The following B3GALT1 variants were observed in gnomAD, a reference collection of about 807,000 sequenced individuals.
The protein encoded by B3GALT1 is UDP-Gal:betaGlcNAc beta 1,3-galactosyltransferase, polypeptide 1.
A neutral mutation model predicts 23.2 loss-of-function variants in B3GALT1; 10 were observed. The observed-to-expected ratio is 0.43, with a 90% CI of 0.27 to 0.73. The LOEUF is 0.73. Ranked by LOEUF, B3GALT1 falls within the 30% of genes least tolerant of loss-of-function variation. B3GALT1 has a pLI of 0.21. For missense variants in B3GALT1, 299 were observed against 405.4 expected, an observed-to-expected ratio of 0.74 and a Z score of 2.25; for synonymous variants, 156 against 141.5, an observed-to-expected ratio of 1.10 and a Z score of -0.73.
intron 2 of B3GALT1, among the ~76,000 whole-genome samples, chr2:167,549,001 TG>T (rs1683700136): frequency 6.6e-6 from 1 of 152,228 alleles, no homozygotes; most frequent in Non-Finnish European, 1.5e-5. Flanking sequence ...TTTATATTAA[TG>T]TTTATTGATG....
intron 2 of B3GALT1, among the ~76,000 whole-genome samples, chr2:167,629,473 C>T (rs2105445868): frequency 6.6e-6 from 1 of 151,802 alleles, no homozygotes; most frequent in Non-Finnish European, 1.5e-5. Flanking sequence ...AATATACACT[C>T]CATTCTCATA....
At chr2:167,574,039 T>C (rs943345774) in intron 2 of B3GALT1, among the ~76,000 whole-genome samples, 1 of 151,730 alleles carries the variant, frequency 6.6e-6, no homozygotes, top group Admixed American at 6.6e-5. Flanking sequence ...TCAGTTTGCT[T>C]CCAGAATCAT....
chr2:167,714,903 G>A, intron 3 of B3GALT1: 1 of 1,611,368 alleles, frequency 6.2e-7, no homozygotes, highest in Non-Finnish European at 8.5e-7. Flanking sequence ...TCTTGATATA[G>A]TTCAGTCATT....
At chr2:167,520,221 T>C (rs1700168423) in intron 2 of B3GALT1, among the ~76,000 whole-genome samples, 1 of 152,184 alleles carries the variant, frequency 6.6e-6, no homozygotes, top group Admixed American at 6.6e-5. Flanking sequence ...TTTTAGTCCA[T>C]CCCTAAAGTA....
intron 2 of B3GALT1, among the ~76,000 whole-genome samples, chr2:167,583,185 C>G (rs1684519098): frequency 6.6e-6 from 1 of 152,208 alleles, no homozygotes. Flanking sequence ...AGACATTCTA[C>G]CACCCTATTG....
chr2:167,411,528 C>T (rs1698392518), intron 1 of B3GALT1, among the ~76,000 whole-genome samples: 1 of 152,120 alleles, frequency 6.6e-6, no homozygotes, highest in South Asian at 2.1e-4. Context: ...TATCATCTCA[C>T]CCCAGTTAAG....
At chr2:167,610,926 A>AG (rs1553471967) in intron 2 of B3GALT1, among the ~76,000 whole-genome samples, 25 of 139,680 alleles carry the variant, frequency 1.8e-4, no homozygotes, top group Non-Finnish European at 3.2e-4. Context: ...AAAAAAAAAA[A>AG]AGAGAGAGAG....
At chr2:167,305,226 T>A (rs1696530749) in intron 1 of B3GALT1, among the ~76,000 whole-genome samples, 1 of 152,140 alleles carries the variant, frequency 6.6e-6, no homozygotes, top group Non-Finnish European at 1.5e-5. Context: ...TCTCACCAAT[T>A]TTTAGACAGT....
At chr2:167,380,348 G>T (rs10172616) in intron 1 of B3GALT1, among the ~76,000 whole-genome samples, 80 of 152,290 alleles carry the variant, frequency 5.3e-4, no homozygotes, top group African/African-American at 1.9e-3. Context: ...TCAGTTCCAG[G>T]TTGCCAAGCT....
At chr2:167,633,296 GATTACCCACA>G (rs1267603458) in intron 2 of B3GALT1, among the ~76,000 whole-genome samples, 1 of 151,276 alleles carries the variant, frequency 6.6e-6, no homozygotes, top group Admixed American at 6.6e-5. Flanking sequence ...AGAAAGGTTG[GATTACCCACA>G]AAGGGAACCG....
At chr2:167,741,012 T>G (rs934866038) in intron 3 of B3GALT1, among the ~76,000 whole-genome samples, 15 of 152,244 alleles carry the variant, frequency 9.9e-5, no homozygotes, top group African/African-American at 3.6e-4. Flanking sequence ...GCCAAGACAA[T>G]GAGAATAGAG....
At chr2:167,717,799 TA>T (rs2105251705) in intron 3 of B3GALT1, among the ~76,000 whole-genome samples, 1 of 152,322 alleles carries the variant, frequency 6.6e-6, no homozygotes, top group African/African-American at 2.4e-5. Context: ...GCAAGATAAT[TA>T]ATTCTTTTTC....
chr2:167,460,795 A>T (rs949686721), intron 1 of B3GALT1, among the ~76,000 whole-genome samples: 1 of 152,146 alleles, frequency 6.6e-6, no homozygotes, highest in Non-Finnish European at 1.5e-5. Flanking sequence ...TTTGTAAGTT[A>T]AAAAAGTTGT....
At chr2:167,334,100 C>G (rs1697018119) in intron 1 of B3GALT1, among the ~76,000 whole-genome samples, 1 of 151,964 alleles carries the variant, frequency 6.6e-6, no homozygotes, top group Non-Finnish European at 1.5e-5. Context: ...AGAACATGAT[C>G]CTATATATAT....
At chr2:167,608,620 T>G (rs1274114402) in intron 2 of B3GALT1, among the ~76,000 whole-genome samples, 4 of 152,164 alleles carry the variant, frequency 2.6e-5, no homozygotes, top group African/African-American at 4.8e-5. Context: ...GTTAAGCTAT[T>G]TGTTTAGCAT....
chr2:167,596,220 C>T (rs1419348226), intron 2 of B3GALT1, among the ~76,000 whole-genome samples: 1 of 152,134 alleles, frequency 6.6e-6, no homozygotes, highest in Non-Finnish European at 1.5e-5. Flanking sequence ...GCTCAGAGAA[C>T]GATAGGTCAT....
At chr2:167,755,152 T>G (rs1391680657) in intron 3 of B3GALT1, among the ~76,000 whole-genome samples, 1 of 152,098 alleles carries the variant, frequency 6.6e-6, no homozygotes, top group Non-Finnish European at 1.5e-5. Context: ...GGAAACCATT[T>G]TACATGCAGT....
chr2:167,850,000 C>A (rs2105414339), intron 4 of B3GALT1, among the ~76,000 whole-genome samples: 1 of 151,932 alleles, frequency 6.6e-6, no homozygotes, highest in Non-Finnish European at 1.5e-5. Context: ...ATTTCATAAC[C>A]AAGAACCCAA....
intron 3 of B3GALT1, among the ~76,000 whole-genome samples, chr2:167,769,344 A>G (rs942601982): frequency 6.6e-6 from 1 of 152,218 alleles, no homozygotes; most frequent in African/African-American, 2.4e-5. Context: ...TAACCAAGGA[A>G]GTCTTATGCT....
Sources: gnomAD v4.1 joint callset for allele counts (sites outside exome capture counted in the v4.1 genomes callset) on GRCh38, gnomAD v4.1.1 for gene constraint, MANE v1.5 for transcripts, NCBI Gene and HGNC (gene_info 2026-07-23, HGNC 2026-07-21) for gene names.